The following MAL variants were observed in gnomAD, a reference collection of about 807,000 sequenced individuals.
MAL encodes the protein mal, T cell differentiation protein (MAL blood group), also known as myelin and lymphocyte protein.
In MAL, 5 loss-of-function variants were observed where a neutral mutation model predicts 16.7. The ratio of observed to expected loss-of-function variants is 0.30; its 90% CI spans 0.16 to 0.63. MAL has a LOEUF of 0.63. Among genes scored for constraint, MAL ranks in the 30% least tolerant of loss-of-function variants. MAL has a pLI of 0.82. For missense variants in MAL, 202 were observed against 195.8 expected (o/e 1.03, Z -0.19); for synonymous variants, 96 against 85.5 (o/e 1.12, Z -0.67).
At chr2:95,037,524 GCAA>G (rs1674262527) in intron 1 of MAL, among the ~76,000 whole-genome samples, 1 of 140,598 alleles carries the variant, frequency 7.1e-6, no homozygotes, top group Non-Finnish European at 1.6e-5. Flanking sequence ...GAGTGAGTGA[GCAA>G]GCGAGTGAGT....
At chr2:95,043,868 C>A (rs1478347300) in intron 1 of MAL, among the ~76,000 whole-genome samples, 1 of 152,218 alleles carries the variant, frequency 6.6e-6, no homozygotes, top group African/African-American at 2.4e-5. Context: ...CCCCTGGGAG[C>A]AAACCCCTGG....
rs375567486 is a variant in MAL at position 95,049,568 on chromosome 2, G to A, written c.262-13G>A. ...TCTCTCCCCATCCCTCTGACACCCC[G>A]TCTGCCCCATAGGACGCAGCCTACC... On this transcript the variant is annotated splice_polypyrimidine_tract_variant and intron_variant, in intron 2 of 3. Transcript: ENST00000309988. The A allele has an allele frequency of 2.7e-5, 43 of 1,613,838 alleles. No individual in the cohort carries two copies. The highest frequency in any genetic ancestry group is 1.6e-4 in the Middle Eastern group (1 of 6,076).
At position 95,034,149 on chromosome 2, in the gene MAL, G is replaced by A. The variant is rs150013155; in HGVS notation, c.93+8264G>A. ...CTCAGGCAGGTGCTGCATGAGGATT[G>A]GGATTGGGCCAGGCTGTGGAGGGCA... On this transcript the variant is annotated intron_variant, in intron 1 of 3. Transcript: ENST00000309988. 5.1e-3 allele frequency among the ~76,000 whole-genome samples: 773 copies of A among 152,318 alleles called. 4 individuals carry two copies. The highest frequency in any genetic ancestry group is 9.2e-3 in the Non-Finnish European group (623 of 68,024).
chr2:95,045,676 G>A (rs914565406), intron 1 of MAL, among the ~76,000 whole-genome samples: 1 of 152,168 alleles, frequency 6.6e-6, no homozygotes, highest in East Asian at 1.9e-4. Context: ...TAGGAGAGGG[G>A]TTCCCAGGCC....
intron 1 of MAL, among the ~76,000 whole-genome samples, chr2:95,037,980 CTGAG>C (rs1180868992): frequency 1.3e-5 from 1 of 76,838 alleles, no homozygotes; most frequent in African/African-American, 5.3e-5. Flanking sequence ...GAGTGAGTGA[CTGAG>C]TGAGTGACTG....
intron 1 of MAL, among the ~76,000 whole-genome samples, chr2:95,040,181 A>G (rs1181204930): frequency 6.6e-6 from 1 of 151,896 alleles, no homozygotes; most frequent in African/African-American, 2.4e-5. Context: ...ACGTGCACAC[A>G]CATATACACA....
rs1478731998 is a variant in MAL at position 95,037,942 on chromosome 2, AACTGAGTGAGTGAGTG to A, written c.94-9999_94-9984del. 7.4e-4 allele frequency among the ~76,000 whole-genome samples: 23 copies of A among 30,996 alleles called. No homozygotes were observed. In the East Asian group the frequency reaches 0.01, roughly 14 times the overall value. 20.3% of individuals were successfully genotyped at this position (30,996 alleles called of 152,430 possible). On this transcript the variant is annotated intron_variant, in intron 1 of 3. Coordinates refer to ENST00000309988, the MANE Select transcript of MAL (RefSeq NM_002371.4). Reference sequence around the variant, plus strand: ...TGAGTGACTGAGTGAGTGAGTGAGTAACTGAGTGAGTGAGTGACTGAGTGAGTGAGTGAGTGACTGA... The same window carrying A: ...TGAGTGACTGAGTGAGTGAGTGAGTAACTGAGTGAGTGAGTGAGTGACTGA...
At chr2:95,033,857 C>G (rs1232097135) in intron 1 of MAL, among the ~76,000 whole-genome samples, 1 of 152,178 alleles carries the variant, frequency 6.6e-6, no homozygotes, top group Admixed American at 6.5e-5. Context: ...GGGCCTGGAT[C>G]TGGGCCTCAG....
chr2:95,053,264 C>A, intron 3 of MAL, 117 bp from the exon 4 acceptor site: 1 of 744,458 alleles, frequency 1.3e-6, no homozygotes, highest in South Asian at 1.5e-5. Context: ...GAAGCAATGA[C>A]AGCCCAAGCT....
chr2:95,029,037 G>T (rs1674016885), intron 1 of MAL, among the ~76,000 whole-genome samples: 1 of 152,364 alleles, frequency 6.6e-6, no homozygotes, highest in Non-Finnish European at 1.5e-5. Flanking sequence ...TGATTGGTTT[G>T]ATGATATGTG....
chr2:95,049,316 TGGC>T (rs1242535911), intron 2 of MAL, among the ~76,000 whole-genome samples: 6 of 152,232 alleles, frequency 3.9e-5, no homozygotes, highest in Non-Finnish European at 5.9e-5. Flanking sequence ...CCCAAGCTGC[TGGC>T]CCTTCCTCCA....
chr2:95,034,810 C>A (rs1674168065), intron 1 of MAL, among the ~76,000 whole-genome samples: 1 of 152,170 alleles, frequency 6.6e-6, no homozygotes. Flanking sequence ...ACCCTTTAGG[C>A]CCGAGCTAAC....
At position 95,049,143 on chromosome 2, in the gene MAL, G is replaced by A. The variant is rs140231886; in HGVS notation, c.262-438G>A. On this transcript the variant is annotated intron_variant, in intron 2 of 3. Transcript: ENST00000309988. Reference sequence around the variant, plus strand: ...CTTTTTTGCTTTTAAATATACCAGGGGCCAAAAATAAGCAATGAAACAAAA... The same window carrying A: ...CTTTTTTGCTTTTAAATATACCAGGAGCCAAAAATAAGCAATGAAACAAAA... Among the ~76,000 whole-genome samples, 1,117 of 151,924 alleles carry A rather than the reference G, an allele frequency of 7.4e-3. 14 individuals are homozygous for A. The highest frequency in any genetic ancestry group is 0.026 in the African/African-American group (1,059 of 41,408).
intron 1 of MAL, among the ~76,000 whole-genome samples, chr2:95,032,011 T>A (rs1674096735): frequency 6.6e-6 from 1 of 152,238 alleles, no homozygotes; most frequent in South Asian, 2.1e-4. Context: ...ACATGTGTCA[T>A]CACACCTGAG....
chr2:95,037,025 ATGAGTGAC>A, intron 1 of MAL, among the ~76,000 whole-genome samples: 1 of 74,080 alleles, frequency 1.3e-5, no homozygotes, highest in South Asian at 5.1e-4. Context: ...GAGTGAGTGA[ATGAGTGAC>A]TGAGTGGGTG....
At chr2:95,031,955 A>G (rs1674093365) in intron 1 of MAL, among the ~76,000 whole-genome samples, 1 of 152,206 alleles carries the variant, frequency 6.6e-6, no homozygotes, top group Non-Finnish European at 1.5e-5. Flanking sequence ...TGCTCCCTGG[A>G]AACTGCTAAG....
At chr2:95,046,421 G>A (rs1368980075) in intron 1 of MAL, among the ~76,000 whole-genome samples, 28 of 152,204 alleles carry the variant, frequency 1.8e-4, no homozygotes, top group Admixed American at 1.8e-3. Context: ...GGGTGGCGCT[G>A]GGGGAGATGA....
intron 3 of MAL, among the ~76,000 whole-genome samples, chr2:95,052,445 G>C (rs1189614757): frequency 6.6e-5 from 10 of 152,228 alleles, no homozygotes; most frequent in Admixed American, 6.5e-4. Flanking sequence ...CAATAATTCA[G>C]CTTACTCACC....
At chr2:95,026,447 C>T (rs1399332385) in intron 1 of MAL, 1 of 146,442 alleles carries the variant, frequency 6.8e-6, no homozygotes, top group Admixed American at 7.3e-5. Flanking sequence ...GAAATGAGGC[C>T]ATCGTTTGCT....
Sources: gnomAD v4.1 joint callset for allele counts (sites outside exome capture counted in the v4.1 genomes callset) on GRCh38, gnomAD v4.1.1 for gene constraint, MANE v1.5 for transcripts, NCBI Gene and HGNC (gene_info 2026-07-23, HGNC 2026-07-21) for gene names.